PTPRD: variants seen among roughly 807,000 people sequenced by gnomAD.
PTPRD encodes receptor-type tyrosine-protein phosphatase delta.
A neutral mutation model predicts 214.5 loss-of-function variants in PTPRD; 34 were observed. That is an observed-to-expected ratio of 0.16 (90% CI 0.12 to 0.21). The LOEUF is 0.21. PTPRD is among the 10% of genes least tolerant of loss of function. PTPRD has a pLI of 1.00. For missense variants in PTPRD, 2,545 were observed against 2,398.7 expected (o/e 1.06, Z -1.27); for synonymous variants, 1,128 against 845.7 (o/e 1.33, Z -5.79).
intron 9 of PTPRD, among the ~76,000 whole-genome samples, chr9:9,243,675 C>T (rs553852427): frequency 2.0e-4 from 31 of 152,234 alleles, no homozygotes; most frequent in African/African-American, 7.0e-4. Context: ...AAACCCACAG[C>T]CAATATCATA....
intron 2 of PTPRD, among the ~76,000 whole-genome samples, chr9:10,568,392 G>C (rs1253348527): frequency 6.6e-6 from 1 of 151,992 alleles, no homozygotes; most frequent in Non-Finnish European, 1.5e-5. Flanking sequence ...TTGGTTCCAA[G>C]TCTTTGCTAT....
At chr9:8,612,073 C>T (rs1485434722) in intron 14 of PTPRD, among the ~76,000 whole-genome samples, 2 of 151,622 alleles carry the variant, frequency 1.3e-5, no homozygotes, top group African/African-American at 2.4e-5. Context: ...TTAACTACTC[C>T]TTTTTGTACC....
chr9:8,676,494 T>C (rs1380646202), intron 12 of PTPRD, among the ~76,000 whole-genome samples: 3 of 151,234 alleles, frequency 2.0e-5, no homozygotes, highest in Non-Finnish European at 4.4e-5. Context: ...GCAATTCTCA[T>C]GCCCCAGCCT....
chr9:9,825,869 A>G (rs1244168924), intron 5 of PTPRD, among the ~76,000 whole-genome samples: 3 of 151,716 alleles, frequency 2.0e-5, no homozygotes, highest in South Asian at 2.1e-4. Flanking sequence ...ATTCTTTTCC[A>G]TAGGTGTCCA....
At chr9:8,610,538 CTGTT>C (rs2154289683) in intron 14 of PTPRD, among the ~76,000 whole-genome samples, 1 of 152,302 alleles carries the variant, frequency 6.6e-6, no homozygotes, top group East Asian at 1.9e-4. Flanking sequence ...TCTTTCCTCT[CTGTT>C]AGACAAATGA....
intron 11 of PTPRD, among the ~76,000 whole-genome samples, chr9:8,796,673 A>T (rs572745044): frequency 3.9e-5 from 6 of 152,276 alleles, no homozygotes; most frequent in Non-Finnish European, 7.4e-5. Context: ...TTTGAAAATG[A>T]GTACAATTTC....
At chr9:8,821,297 C>T (rs1034899793) in intron 11 of PTPRD, among the ~76,000 whole-genome samples, 1 of 152,136 alleles carries the variant, frequency 6.6e-6, no homozygotes, top group African/African-American at 2.4e-5. Flanking sequence ...CTGTCTCTCT[C>T]TCTCTCTCAC....
chr9:8,815,231 C>A (rs2096897131), intron 11 of PTPRD, among the ~76,000 whole-genome samples: 2 of 151,744 alleles, frequency 1.3e-5, no homozygotes, highest in Non-Finnish European at 2.9e-5. Flanking sequence ...TAAGCTGTTT[C>A]CCGTTCTTCA....
chr9:10,383,870 G>A (rs985802536), intron 2 of PTPRD, among the ~76,000 whole-genome samples: 2 of 151,770 alleles, frequency 1.3e-5, no homozygotes, highest in African/African-American at 2.4e-5. Context: ...ACATGAGCAC[G>A]TGATTACAGC....
chr9:9,540,116 T>C (rs1448346752), intron 8 of PTPRD, among the ~76,000 whole-genome samples: 1 of 151,832 alleles, frequency 6.6e-6, no homozygotes, highest in Non-Finnish European at 1.5e-5. Context: ...TCTTACCTAC[T>C]ACTGCATATG....
Position 9,003,483 on chromosome 9 carries a change from G to C in PTPRD, c.-104+15214C>G, listed in dbSNP as rs2099432966. On this transcript the variant is annotated intron_variant, in intron 11 of 45. Coordinates refer to ENST00000381196, the MANE Select transcript of PTPRD (RefSeq NM_002839.4). Reference sequence around the variant, plus strand: ...TAGACACATTTTGAATATGGTTTTAGAAATACAGACTCCAAGAGAGGTGAG... The same window carrying C: ...TAGACACATTTTGAATATGGTTTTACAAATACAGACTCCAAGAGAGGTGAG... Among the ~76,000 whole-genome samples the C allele has an allele frequency of 2.6e-5, 4 of 152,148 alleles. No homozygotes were observed. The South Asian group carries it at 6.2e-4, about 24-fold the overall frequency.
chr9:9,516,047 A>G lies in PTPRD; in HGVS notation c.-237+58685T>C, dbSNP rs562769434. On this transcript the variant is annotated intron_variant, in intron 8 of 45. Transcript: ENST00000381196. ...TGCAAGCATTCAACTGTTGCTCAACATTCAAGCTTTTTGCTTAACCTTCAA... is the reference window on the plus strand; with the variant it reads ...TGCAAGCATTCAACTGTTGCTCAACGTTCAAGCTTTTTGCTTAACCTTCAA... Among the ~76,000 whole-genome samples, 36 of 152,278 alleles carry G rather than the reference A, an allele frequency of 2.4e-4. No homozygotes were observed. In the Middle Eastern group the frequency reaches 0.02, roughly 86 times the overall value.
intron 12 of PTPRD, among the ~76,000 whole-genome samples, chr9:8,705,889 A>C (rs2098195630): frequency 6.6e-6 from 1 of 152,198 alleles, no homozygotes; most frequent in Non-Finnish European, 1.5e-5. Flanking sequence ...CCATGAGCAG[A>C]GTTCTCTGAA....
intron 8 of PTPRD, among the ~76,000 whole-genome samples, chr9:9,569,748 G>T (rs1034794759): frequency 6.6e-6 from 1 of 151,518 alleles, no homozygotes; most frequent in African/African-American, 2.4e-5. Context: ...TGTCGGGAAC[G>T]GGGGAAGGCT....
intron 10 of PTPRD, among the ~76,000 whole-genome samples, chr9:9,160,000 A>T (rs1489147993): frequency 6.6e-6 from 1 of 152,198 alleles, no homozygotes; most frequent in Non-Finnish European, 1.5e-5. Context: ...GGTTATCCAC[A>T]TGCAGAAGAA....
At chr9:8,784,344 T>G (rs1179562825) in intron 11 of PTPRD, among the ~76,000 whole-genome samples, 1 of 152,208 alleles carries the variant, frequency 6.6e-6, no homozygotes, top group Admixed American at 6.5e-5. Flanking sequence ...TAAACGTAAA[T>G]GCATGCTATT....
intron 10 of PTPRD, among the ~76,000 whole-genome samples, chr9:9,043,617 A>C (rs2099652991): frequency 6.6e-6 from 1 of 152,052 alleles, no homozygotes; most frequent in Admixed American, 6.6e-5. Flanking sequence ...TAAGTAGAAA[A>C]ACTAGGCTGG....
At chr9:8,808,354 C>G (rs1201694277) in intron 11 of PTPRD, among the ~76,000 whole-genome samples, 1 of 151,872 alleles carries the variant, frequency 6.6e-6, no homozygotes, top group Non-Finnish European at 1.5e-5. Context: ...ATGGTAAGCA[C>G]TTTTGGGAAA....
In PTPRD at chr9:9,966,226, G is replaced by T. The variant is rs117376171; in HGVS notation, c.-471-27616C>A. Among the ~76,000 whole-genome samples, 1,044 of 152,228 alleles carry T rather than the reference G, an allele frequency of 6.9e-3. 11 individuals carry two copies. The highest frequency in any genetic ancestry group is 0.034 in the East Asian group (174 of 5,174). ...GGCTATTTTTCGCAACACAAGGAAA[G>T]ATTTATTCTCAACTTCTAATTTATC... On this transcript the variant is annotated intron_variant, in intron 4 of 45. Coordinates refer to ENST00000381196, the MANE Select transcript of PTPRD (RefSeq NM_002839.4).
Sources: gnomAD v4.1 joint callset for allele counts (sites outside exome capture counted in the v4.1 genomes callset) on GRCh38, gnomAD v4.1.1 for gene constraint, MANE v1.5 for transcripts, NCBI Gene and HGNC (gene_info 2026-07-23, HGNC 2026-07-21) for gene names.